YTHDF2: variants seen among roughly 807,000 people sequenced by gnomAD.
The protein encoded by YTHDF2 is YTH N6-methyladenosine RNA binding protein F2, also known as YTH domain-containing family protein 2.
YTHDF2 carries 2 observed loss-of-function variants against 50.4 expected under a neutral mutation model. That is an observed-to-expected ratio of 0.04 (90% CI 0.02 to 0.12). The LOEUF is 0.12. YTHDF2 is among the 10% of genes least tolerant of loss of function. The pLI, the probability that YTHDF2 is intolerant of heterozygous loss-of-function variation, is 1.00. For synonymous variants in YTHDF2, 217 were observed against 255.6 expected, an observed-to-expected ratio of 0.85 and a Z score of 1.44; for missense variants, 483 against 722.6, an observed-to-expected ratio of 0.67 and a Z score of 3.80.
chr1:28,764,618 A>T (rs1373969419), intron 4 of YTHDF2, among the ~76,000 whole-genome samples: 1 of 151,780 alleles, frequency 6.6e-6, no homozygotes, highest in Non-Finnish European at 1.5e-5. Flanking sequence ...CATGTTGGCC[A>T]TGCTGGTCTT....
chr1:28,742,567 C>A lies in YTHDF2; in HGVS notation c.297C>A (p.Phe99Leu). The A allele has an allele frequency of 6.2e-7, 1 of 1,614,082 alleles. No homozygotes were observed. The highest frequency in any genetic ancestry group is 2.2e-5 in the East Asian group (1 of 44,882). ...AGCTGAGCAACGGAGAGCCCCACTT[C>A]CTACCAGATGCAATGTTTGGGCAAC... The part of the protein sequence containing the change: ...YGQLSNGEPH[F>L]LPDAMFGQPG... The change falls in exon 4 of 5, where the codon TTC becomes TTA. Residue 99 changes from phenylalanine (F) to leucine (L), a missense_variant. Phe to Leu is a conservative substitution (Grantham distance 22). Transcript: ENST00000373812.
In YTHDF2 at chr1:28,743,039, A is replaced by C; in HGVS notation, c.769A>C (p.Asn257His). ...ACAGCAACCTAAACTGAAGACCAAGAATGGCATTGCAGGGTCAAGTCTTCC... is the reference window on the plus strand; with the variant it reads ...ACAGCAACCTAAACTGAAGACCAAGCATGGCATTGCAGGGTCAAGTCTTCC... ...AKQQPKLKTK[N>H]GIAGSSLPPP... is the part of the protein sequence containing the mutation. Residue 257 changes from asparagine (N) to histidine (H), a missense_variant, in exon 4 of 5, where the codon AAT becomes CAT. Physicochemically the swap from Asn to His is moderately conservative, Grantham distance 68. This residue lies in a region of YTHDF2 where 385 missense variants were observed against 475.8 expected (regional missense o/e 0.81). Transcript: ENST00000373812. The surrounding 1 kb of genome is among the most constrained non-coding windows in gnomAD (Gnocchi z 6.9). 1 of 1,614,218 alleles carries C rather than the reference A, an allele frequency of 6.2e-7. No homozygotes were observed. Among genetic ancestry groups the C allele is most frequent in the Non-Finnish European group, 8.5e-7 (1 of 1,180,038 alleles).
chr1:28,737,163 G>T lies in YTHDF2; in HGVS notation c.27+16G>T. 1.3e-6 allele frequency: 2 copies of T among 1,578,470 alleles called. No homozygotes were observed. The highest frequency in any genetic ancestry group is 2.3e-5 in the South Asian group (2 of 86,790). Reference sequence around the variant, plus strand: ...CTTGGAGCAGGTACAGGCCCGGCCCGCATGCCTCGGCCATTGTGTGAGGCG... The same window carrying T: ...CTTGGAGCAGGTACAGGCCCGGCCCTCATGCCTCGGCCATTGTGTGAGGCG... On this transcript the variant is annotated intron_variant, in intron 1 of 4. Coordinates refer to ENST00000373812, the MANE Select transcript of YTHDF2 (RefSeq NM_016258.3).
At chr1:28,768,078 G>A (rs1358802790) in intron 4 of YTHDF2, among the ~76,000 whole-genome samples, 1 of 151,784 alleles carries the variant, frequency 6.6e-6, no homozygotes. Context: ...GGCGGCGCCT[G>A]TAATCCCAGC....
intron 3 of YTHDF2, 85 bp downstream of exon 3, chr1:28,738,423 G>C (rs923578295): frequency 8.3e-7 from 1 of 1,202,710 alleles, no homozygotes; most frequent in East Asian, 2.4e-5. Flanking sequence ...CATTTTCTGA[G>C]GATTCATTTT....
chr1:28,764,916 T>G (rs1157036830), intron 4 of YTHDF2, among the ~76,000 whole-genome samples: 1 of 152,130 alleles, frequency 6.6e-6, no homozygotes, highest in Non-Finnish European at 1.5e-5. Flanking sequence ...TAGGCTGAAG[T>G]GCAGTGACTA....
intron 4 of YTHDF2, among the ~76,000 whole-genome samples, chr1:28,766,836 CT>C (rs796715052): frequency 2.6e-3 from 361 of 141,204 alleles, no homozygotes; most frequent in Admixed American, 3.0e-3. Context: ...TTTTCCTTCT[CT>C]TTTTTTTTTT....
chr1:28,760,214 C>A (rs1360275294), intron 4 of YTHDF2, among the ~76,000 whole-genome samples: 2 of 151,682 alleles, frequency 1.3e-5, no homozygotes, highest in Non-Finnish European at 2.9e-5. Context: ...GTAGTACATT[C>A]TAAAATAATG....
Position 28,736,968 on chromosome 1 carries a change from T to A in YTHDF2, c.-153T>A. 1 of 949,450 alleles carries A rather than the reference T, an allele frequency of 1.1e-6. No homozygotes were observed. The allele number at this position is 949,450 out of a possible 1,614,324, so 58.8% of individuals were successfully genotyped here. A position where few individuals can be genotyped will look rare whatever the true frequency, so the allele number is the denominator to read the frequency against. ...GCGTCGCCGAGTCGGAGCCGGAGCCTGAGCCGCGCGCTGTGTCTCCGCTGC... is the reference window on the plus strand; with the variant it reads ...GCGTCGCCGAGTCGGAGCCGGAGCCAGAGCCGCGCGCTGTGTCTCCGCTGC... On this transcript the variant is annotated 5_prime_UTR_variant, in exon 1 of 5. Transcript: ENST00000373812.
intron 4 of YTHDF2, among the ~76,000 whole-genome samples, chr1:28,761,612 A>G (rs2088133591): frequency 6.6e-6 from 1 of 152,092 alleles, no homozygotes; most frequent in Admixed American, 6.6e-5. Context: ...TGGCGCACGC[A>G]TGTAATCCCA....
intron 4 of YTHDF2, among the ~76,000 whole-genome samples, chr1:28,757,003 C>G (rs936380842): frequency 6.6e-6 from 1 of 152,182 alleles, no homozygotes; most frequent in Non-Finnish European, 1.5e-5. Flanking sequence ...CTTCTTTCTC[C>G]TACACAAAGC....
chr1:28,768,197 C>T lies in YTHDF2; in HGVS notation c.1717-732C>T, dbSNP rs923221438. ...TGGGCTACAGAGCGAGACTCTGTCT[C>T]AAAAAGAAAAAAAAATTTTTTTTAA... On this transcript the variant is annotated intron_variant, in intron 4 of 4. Coordinates refer to ENST00000373812, the MANE Select transcript of YTHDF2 (RefSeq NM_016258.3). Among the ~76,000 whole-genome samples, 4 of 150,510 alleles carry T rather than the reference C, an allele frequency of 2.7e-5. No homozygotes were observed. In the South Asian group the frequency reaches 6.3e-4, roughly 24 times the overall value.
At chr1:28,758,373 C>G (rs2088065370) in intron 4 of YTHDF2, among the ~76,000 whole-genome samples, 1 of 152,116 alleles carries the variant, frequency 6.6e-6, no homozygotes, top group Non-Finnish European at 1.5e-5. Context: ...CTCCAAAAAA[C>G]TAATAATAAT....
At chr1:28,738,773 C>T (rs888712122) in intron 3 of YTHDF2, among the ~76,000 whole-genome samples, 1 of 152,180 alleles carries the variant, frequency 6.6e-6, no homozygotes, top group Non-Finnish European at 1.5e-5. Context: ...TATTTTTTCT[C>T]TGCCCTCTAT....
At chr1:28,737,236 G>A in intron 1 of YTHDF2, 89 bp downstream of exon 1, 1 of 1,461,906 alleles carries the variant, frequency 6.8e-7, no homozygotes, top group Admixed American at 2.5e-5. Flanking sequence ...GGCAGGCCGA[G>A]CCGAGCCGAG....
intron 4 of YTHDF2, among the ~76,000 whole-genome samples, chr1:28,750,456 A>T (rs1202396400): frequency 3.9e-5 from 6 of 152,202 alleles, no homozygotes; most frequent in African/African-American, 1.2e-4. Flanking sequence ...TAAACTAGGG[A>T]TGTTGTAGAG....
chr1:28,746,574 G>A (rs918271077), intron 4 of YTHDF2, among the ~76,000 whole-genome samples: 21 of 144,296 alleles, frequency 1.5e-4, no homozygotes, highest in African/African-American at 5.1e-4. Context: ...GTGAAATCCC[G>A]TCTCTACTAA....
At chr1:28,747,130 G>A (rs1366939533) in intron 4 of YTHDF2, among the ~76,000 whole-genome samples, 4 of 152,198 alleles carry the variant, frequency 2.6e-5, no homozygotes, top group Non-Finnish European at 5.9e-5. Flanking sequence ...GATTATGTTT[G>A]CTAGAGTGGT....
intron 4 of YTHDF2, among the ~76,000 whole-genome samples, chr1:28,766,322 G>A (rs1166411045): frequency 6.6e-6 from 1 of 152,074 alleles, no homozygotes; most frequent in Non-Finnish European, 1.5e-5. Flanking sequence ...TTGCCAGGTT[G>A]CCCAGGCTGG....
Sources: gnomAD v4.1 joint callset for allele counts (sites outside exome capture counted in the v4.1 genomes callset) on GRCh38, gnomAD v4.1.1 for gene constraint, gnomAD v4.1.1 regional missense constraint, Gnocchi (gnomAD v3.1) non-coding constraint, MANE v1.5 for transcripts, NCBI Gene and HGNC (gene_info 2026-07-23, HGNC 2026-07-21) for gene names.